EFCAB5: variants seen among roughly 807,000 people sequenced by gnomAD.
EFCAB5 encodes the protein EF-hand calcium-binding domain-containing protein 5.
EFCAB5 carries 131 observed loss-of-function variants against 167.9 expected under a neutral mutation model. That is an observed-to-expected ratio of 0.78 (90% CI 0.68 to 0.90). EFCAB5 has a LOEUF of 0.90. Among genes scored for constraint, EFCAB5 ranks in the 40% least tolerant of loss-of-function variants. The probability of loss-of-function intolerance (pLI) is 0.00; values close to 1 mark genes in which losing one functional copy is unlikely to be tolerated. For missense variants in EFCAB5, 1,663 were observed against 1,745.2 expected (o/e 0.95, Z 0.84); for synonymous variants, 574 against 602.8 (o/e 0.95, Z 0.70).
chr17:29,935,321 G>A (rs1024940584), intron 1 of EFCAB5, among the ~76,000 whole-genome samples: 1 of 152,154 alleles, frequency 6.6e-6, no homozygotes, highest in Non-Finnish European at 1.5e-5. Flanking sequence ...TACTTTGGGA[G>A]GCTGAGGCAG....
At chr17:30,068,681 C>A (rs1306560811) in intron 14 of EFCAB5, 1 of 1,571,434 alleles carries the variant, frequency 6.4e-7, no homozygotes, top group East Asian at 2.3e-5. Context: ...ACCGTGAAGA[C>A]GCAGAACAAG....
At chr17:30,034,097 C>T (rs775839210) in intron 7 of EFCAB5, 133 bp from the exon 8 acceptor site, 3 of 1,101,124 alleles carry the variant, frequency 2.7e-6, no homozygotes, top group Non-Finnish European at 3.8e-6. Context: ...AATGCTTCAT[C>T]TAAGTGATAA....
chr17:29,935,308 C>T (rs747853314), intron 1 of EFCAB5, among the ~76,000 whole-genome samples: 14 of 152,072 alleles, frequency 9.2e-5, no homozygotes, highest in Non-Finnish European at 1.5e-4. Flanking sequence ...CCTGTAAGTC[C>T]AGTACTTTGG....
In EFCAB5 at chr17:30,004,622, C is replaced by CTT. The variant is rs770320423; in HGVS notation, c.1044+4661_1044+4662dup. On this transcript the variant is annotated intron_variant, in intron 7 of 22. Coordinates refer to ENST00000394835, the MANE Select transcript of EFCAB5 (RefSeq NM_198529.4). The stretch of plus-strand genomic sequence containing the variant: ...TCACCAGATACTAACTCTGTGGGCA[C>CTT]TTTTTTTTTTTTTTTTGAGATGGAG... Among the ~76,000 whole-genome samples the CTT allele has an allele frequency of 5.2e-5, 7 of 135,718 alleles. No homozygotes were observed. The East Asian group carries it at 6.2e-4, about 12-fold the overall frequency. The allele number at this position is 135,718 out of a possible 152,430, so 89.0% of individuals were successfully genotyped here.
Position 30,108,007 on chromosome 17 carries a change from G to A in EFCAB5, c.4495G>A (p.Gly1499Ser), listed in dbSNP as rs767246388. Residue 1499 changes from glycine to serine, a missense_variant, in exon 23 of 23, where the codon GGT becomes AGT. Coordinates refer to ENST00000394835, the MANE Select transcript of EFCAB5 (RefSeq NM_198529.4). ...TATGTATGCAAAAATGCCAGGGGAAGGTTTGCAAGAGAAGTGATAATGGAT... is the reference window on the plus strand; with the variant it reads ...TATGTATGCAAAAATGCCAGGGGAAAGTTTGCAAGAGAAGTGATAATGGAT... ...NYMYAKMPGE[G>S]LQEK 3.9e-5 allele frequency: 63 copies of A among 1,606,432 alleles called. 1 individual carries two copies. The South Asian group carries it at 6.6e-4, about 17-fold the overall frequency.
At chr17:29,972,355 T>C (rs1173827277) in intron 4 of EFCAB5, among the ~76,000 whole-genome samples, 1 of 151,990 alleles carries the variant, frequency 6.6e-6, no homozygotes, top group Non-Finnish European at 1.5e-5. Context: ...GGCCCAGGCA[T>C]TTTTTAAATG....
In EFCAB5 at chr17:29,968,823, C is replaced by G. The variant is rs755168517; in HGVS notation, c.223C>G (p.Pro75Ala). 4.6e-6 allele frequency: 7 copies of G among 1,508,962 alleles called. No homozygotes were observed. The highest frequency in any genetic ancestry group is 6.2e-6 in the Non-Finnish European group (7 of 1,129,110). 93.5% of individuals were successfully genotyped at this position (1,508,962 alleles called of 1,614,324 possible). A position where few individuals can be genotyped will look rare whatever the true frequency, so the allele number is the denominator to read the frequency against. The stretch of plus-strand genomic sequence containing the variant: ...CCTGGAGGGGCAGCGAAAAATTTCA[C>G]CTGGTTCAATAAAGGACTCTAAAAC... ...LNLEGQRKIS[P>A]GSIKDSKTEA... is the part of the protein sequence containing the mutation. The change falls in exon 4 of 23, where the codon CCT becomes GCT. Residue 75 changes from proline to alanine, a missense_variant. Coordinates refer to ENST00000394835, the MANE Select transcript of EFCAB5 (RefSeq NM_198529.4).
chr17:30,048,415 C>T (rs542443616), intron 8 of EFCAB5, among the ~76,000 whole-genome samples: 55 of 150,966 alleles, frequency 3.6e-4, no homozygotes, highest in Non-Finnish European at 1.0e-4. Flanking sequence ...AATATATAAA[C>T]GATTCAGGGG....
At chr17:30,099,247 T>C (rs532496613) in intron 22 of EFCAB5, among the ~76,000 whole-genome samples, 2 of 152,228 alleles carry the variant, frequency 1.3e-5, no homozygotes, top group South Asian at 4.1e-4. Flanking sequence ...AGATTGCTGT[T>C]GACAGCCTGG....
intron 3 of EFCAB5, among the ~76,000 whole-genome samples, chr17:29,954,105 AGCCT>A (rs1450137193): frequency 6.6e-6 from 1 of 152,226 alleles, no homozygotes; most frequent in Admixed American, 6.5e-5. Flanking sequence ...AAAATTTTGC[AGCCT>A]GACTACTATG....
intron 7 of EFCAB5, among the ~76,000 whole-genome samples, chr17:30,025,039 C>T (rs1410788122): frequency 1.1e-4 from 17 of 151,814 alleles, no homozygotes; most frequent in Non-Finnish European, 1.8e-4. Flanking sequence ...TAATTCAAGA[C>T]GGATTAAAGA....
chr17:30,063,473 TG>T (rs904791993), intron 14 of EFCAB5, among the ~76,000 whole-genome samples: 8 of 152,184 alleles, frequency 5.3e-5, no homozygotes, highest in African/African-American at 1.9e-4. Flanking sequence ...GCCAGTGCTG[TG>T]CCCTGCCCCC....
Position 30,092,147 on chromosome 17 carries a change from A to T in EFCAB5, c.4214A>T (p.Lys1405Met), listed in dbSNP as rs771150266. 6.2e-7 allele frequency: 1 copy of T among 1,601,220 alleles called. No individual in the cohort carries two copies. Among genetic ancestry groups the T allele is most frequent in the South Asian group, 1.1e-5 (1 of 89,158 alleles). The change falls in exon 21 of 23, where the codon AAG (lysine) becomes ATG (methionine). Residue 1405 changes from lysine (K) to methionine (M), a missense_variant. Transcript: ENST00000394835. Reference sequence around the variant, plus strand: ...TCAAGTGACTTTGGAAGTTGGGATAAGTGTAAATTTGTAAGTTTTTTTTTA... The same window carrying T: ...TCAAGTGACTTTGGAAGTTGGGATATGTGTAAATTTGTAAGTTTTTTTTTA... ...EFSSDFGSWDKCKFYVNKYLV... is the reference protein window; with the variant it reads ...EFSSDFGSWDMCKFYVNKYLV...
intron 8 of EFCAB5, among the ~76,000 whole-genome samples, chr17:30,041,331 A>G (rs1480018043): frequency 1.3e-5 from 2 of 152,222 alleles, no homozygotes; most frequent in Non-Finnish European, 2.9e-5. Flanking sequence ...TTCAACTCTC[A>G]TGGATGACTT....
intron 7 of EFCAB5, among the ~76,000 whole-genome samples, chr17:30,025,917 G>C (rs551579439): frequency 6.5e-4 from 98 of 151,876 alleles, no homozygotes; most frequent in Non-Finnish European, 9.4e-4. Context: ...ACTATCGCAA[G>C]GACAAAAAAC....
rs186599349 is a variant in EFCAB5, at chr17:30,070,937, G to A, written c.2738-7278G>A. The stretch of plus-strand genomic sequence containing the variant: ...TGCACTCCAGCCTGGGTGACAGAGC[G>A]AGATTCCATCTCAAAAAAAAAAAAA... On this transcript the variant is annotated intron_variant, in intron 14 of 22. Transcript: ENST00000394835. Among the ~76,000 whole-genome samples, 17 of 105,256 alleles carry A rather than the reference G, an allele frequency of 1.6e-4. No individual in the cohort carries two copies. In the Admixed American group the frequency reaches 1.8e-3, roughly 11 times the overall value. 69.1% of individuals were successfully genotyped at this position (105,256 alleles called of 152,430 possible). A position where few individuals can be genotyped will look rare whatever the true frequency, so the allele number is the denominator to read the frequency against.
intron 3 of EFCAB5, among the ~76,000 whole-genome samples, chr17:29,943,989 A>G (rs2067346049): frequency 6.6e-6 from 1 of 152,174 alleles, no homozygotes; most frequent in Admixed American, 6.5e-5. Context: ...ATAAATAAAT[A>G]AAAGAATCTA....
Position 29,993,270 on chromosome 17 carries a change from G to A in EFCAB5, c.873G>A (p.Glu291=), listed in dbSNP as rs748286711. 14 of 1,613,684 alleles carry A rather than the reference G, an allele frequency of 8.7e-6. No homozygotes were observed. The Admixed American group carries it at 2.2e-4, about 25-fold the overall frequency. Residue 291 remains glutamate, a synonymous_variant, in exon 5 of 23, where the codon GAG becomes GAA. Transcript: ENST00000394835. ...VANTRKQALQ[E]QFDEWILDPK... is the part of the protein sequence containing the mutation. Reference sequence around the variant, plus strand: ...ACACACGGAAACAGGCTCTGCAGGAGCAATTCGATGAATGGATTCTAGACC... The same window carrying A: ...ACACACGGAAACAGGCTCTGCAGGAACAATTCGATGAATGGATTCTAGACC...
intron 8 of EFCAB5, among the ~76,000 whole-genome samples, chr17:30,037,708 C>T (rs1316929505): frequency 1.3e-5 from 2 of 152,120 alleles, no homozygotes; most frequent in Non-Finnish European, 2.9e-5. Context: ...AAAATGCATA[C>T]GTGCTTCAGC....
Sources: gnomAD v4.1 joint callset for allele counts (sites outside exome capture counted in the v4.1 genomes callset) on GRCh38, gnomAD v4.1.1 for gene constraint, MANE v1.5 for transcripts, NCBI Gene and HGNC (gene_info 2026-07-23, HGNC 2026-07-21) for gene names.